The following AUTS2 variants were observed in gnomAD, a reference collection of about 807,000 sequenced individuals.
AUTS2 encodes autism susceptibility gene 2 protein.
AUTS2 carries 17 observed loss-of-function variants against 112.4 expected under a neutral mutation model. The observed-to-expected ratio is 0.15, with a 90% confidence interval of 0.10 to 0.23. The LOEUF (loss-of-function observed/expected upper bound fraction) is 0.23. Ranked by LOEUF, AUTS2 falls within the 10% of genes least tolerant of loss-of-function variation. The pLI is 1.00. For synonymous variants in AUTS2, 751 were observed against 702.7 expected, an observed-to-expected ratio of 1.07 and a Z score of -1.09; for missense variants, 1,510 against 1,701.6, an observed-to-expected ratio of 0.89 and a Z score of 1.98.
intron 4 of AUTS2, among the ~76,000 whole-genome samples, chr7:70,364,150 A>G (rs1298503851): frequency 2.0e-5 from 3 of 152,136 alleles, no homozygotes; most frequent in African/African-American, 7.2e-5. Flanking sequence ...TCACGTTGAT[A>G]TGGAAGGAAG....
chr7:70,366,948 C>T (rs1056041873), intron 4 of AUTS2, among the ~76,000 whole-genome samples: 3 of 152,084 alleles, frequency 2.0e-5, no homozygotes, highest in Admixed American at 1.3e-4. Flanking sequence ...AGAACTTTGG[C>T]TAACAAAGTT....
intron 1 of AUTS2, among the ~76,000 whole-genome samples, chr7:69,607,890 G>C (rs1792817276): frequency 6.6e-6 from 1 of 152,148 alleles, no homozygotes; most frequent in Non-Finnish European, 1.5e-5. Context: ...TGCAAATATA[G>C]ATTGTGACTC....
chr7:70,435,303 G>T (rs1337316457), intron 4 of AUTS2, among the ~76,000 whole-genome samples: 1 of 152,300 alleles, frequency 6.6e-6, no homozygotes, highest in African/African-American at 2.4e-5. Context: ...GAAAAGCACC[G>T]GTAGAGATAC....
At chr7:69,757,328 G>A (rs1562862382) in intron 1 of AUTS2, among the ~76,000 whole-genome samples, 2 of 152,228 alleles carry the variant, frequency 1.3e-5, no homozygotes, top group Non-Finnish European at 2.9e-5. Context: ...GGTTGTATAG[G>A]TAGTAGAGAT....
intron 2 of AUTS2, among the ~76,000 whole-genome samples, chr7:69,941,207 A>C (rs1016832327): frequency 3.9e-5 from 6 of 152,188 alleles, no homozygotes; most frequent in African/African-American, 1.4e-4. Context: ...AGCTACCAAC[A>C]CTGAGTTTCT....
intron 1 of AUTS2, among the ~76,000 whole-genome samples, chr7:69,826,201 A>G (rs1791235009): frequency 6.6e-6 from 1 of 152,238 alleles, no homozygotes; most frequent in South Asian, 2.1e-4. Flanking sequence ...ATATTAAGTA[A>G]GGATAACCCC....
At chr7:69,606,261 ATGG>A (rs1392377297) in intron 1 of AUTS2, among the ~76,000 whole-genome samples, 1 of 152,226 alleles carries the variant, frequency 6.6e-6, no homozygotes, top group Non-Finnish European at 1.5e-5. Context: ...TCAAAGATAA[ATGG>A]TGATTATTTA....
chr7:70,072,335 C>T (rs1295133788), intron 2 of AUTS2, among the ~76,000 whole-genome samples: 2 of 152,118 alleles, frequency 1.3e-5, no homozygotes, highest in Admixed American at 1.3e-4. Flanking sequence ...TGCCTGACCA[C>T]ATTGTTTGGA....
At chr7:70,041,380 G>A (rs1386447075) in intron 2 of AUTS2, among the ~76,000 whole-genome samples, 3 of 152,078 alleles carry the variant, frequency 2.0e-5, no homozygotes, top group Non-Finnish European at 2.9e-5. Flanking sequence ...ACTTGATTAT[G>A]TGTTTTCATT....
chr7:69,781,437 T>TA (rs1381872656), intron 1 of AUTS2, among the ~76,000 whole-genome samples: 1 of 152,128 alleles, frequency 6.6e-6, no homozygotes, highest in African/African-American at 2.4e-5. Flanking sequence ...GGGCTGGAGG[T>TA]ACCAGCAGAT....
intron 4 of AUTS2, among the ~76,000 whole-genome samples, chr7:70,420,915 CA>C (rs967914499): frequency 6.6e-5 from 10 of 152,106 alleles, no homozygotes; most frequent in African/African-American, 2.4e-4. Flanking sequence ...TGCCTTTTAC[CA>C]ATGTCAGTTA....
intron 5 of AUTS2, among the ~76,000 whole-genome samples, chr7:70,687,126 G>A (rs542846286): frequency 1.2e-4 from 19 of 152,292 alleles, no homozygotes; most frequent in Admixed American, 2.0e-4. Flanking sequence ...GGCAGGATGC[G>A]TACCTGGACT....
chr7:70,173,575 A>G (rs894998608), intron 4 of AUTS2, among the ~76,000 whole-genome samples: 1 of 152,174 alleles, frequency 6.6e-6, no homozygotes, highest in Non-Finnish European at 1.5e-5. Context: ...ATATGAGCAT[A>G]CATTGCTTTA....
In AUTS2 at chr7:70,791,201, CAT is replaced by C; in HGVS notation, c.*208_*209del. On this transcript the variant is annotated 3_prime_UTR_variant, in exon 19 of 19. Coordinates refer to ENST00000342771, the MANE Select transcript of AUTS2 (RefSeq NM_015570.4). Reference sequence around the variant, plus strand: ...GATTTTTCAGATCTTTTAGCCCAGTCATATGTTCTCACGTCTCCTACTTTTTG... The same window carrying C: ...GATTTTTCAGATCTTTTAGCCCAGTCATGTTCTCACGTCTCCTACTTTTTG... 2.2e-6 allele frequency: 1 copy of C among 464,892 alleles called. No homozygotes were observed. The highest frequency in any genetic ancestry group is 1.1e-4 in the South Asian group (1 of 9,142). The allele number at this position is 464,892 out of a possible 1,614,324, so 28.8% of individuals were successfully genotyped here.
chr7:70,231,081 C>T (rs1812023912), intron 4 of AUTS2, among the ~76,000 whole-genome samples: 1 of 152,150 alleles, frequency 6.6e-6, no homozygotes, highest in African/African-American at 2.4e-5. Flanking sequence ...TTATTGCATG[C>T]CTTTGGTCAA....
At chr7:70,090,877 C>T (rs1803880222) in intron 2 of AUTS2, among the ~76,000 whole-genome samples, 1 of 152,020 alleles carries the variant, frequency 6.6e-6, no homozygotes, top group East Asian at 1.9e-4. Context: ...TGGGGTTTCA[C>T]CATGTTGGCC....
intron 4 of AUTS2, among the ~76,000 whole-genome samples, chr7:70,301,250 A>G (rs1789195773): frequency 1.3e-5 from 2 of 152,338 alleles, no homozygotes; most frequent in African/African-American, 4.8e-5. Flanking sequence ...TAATTTTCCA[A>G]TGAAAGTTCA....
intron 4 of AUTS2, among the ~76,000 whole-genome samples, chr7:70,135,722 T>G (rs936535784): frequency 1.3e-5 from 2 of 152,152 alleles, no homozygotes; most frequent in African/African-American, 4.8e-5. Flanking sequence ...CTTAATACAG[T>G]TAGCACACTT....
At chr7:70,356,422 T>C (rs1050591233) in intron 4 of AUTS2, among the ~76,000 whole-genome samples, 2 of 152,236 alleles carry the variant, frequency 1.3e-5, no homozygotes, top group Admixed American at 1.3e-4. Flanking sequence ...AAATGTGGCA[T>C]AACTTGCTTG....
Sources: gnomAD v4.1 joint callset for allele counts (sites outside exome capture counted in the v4.1 genomes callset) on GRCh38, gnomAD v4.1.1 for gene constraint, MANE v1.5 for transcripts, NCBI Gene and HGNC (gene_info 2026-07-23, HGNC 2026-07-21) for gene names.